The following SUGCT variants were observed in gnomAD, a reference collection of about 807,000 sequenced individuals.
The protein encoded by SUGCT is succinyl-CoA:glutarate CoA-transferase.
SUGCT carries 41 observed loss-of-function variants against 55.0 expected under a neutral mutation model. The ratio of observed to expected loss-of-function variants is 0.74; its 90% CI spans 0.58 to 0.97. SUGCT has a LOEUF of 0.97. Ranked by LOEUF, SUGCT falls within the 50% of genes least tolerant of loss-of-function variation. SUGCT has a pLI of 0.00. For synonymous variants in SUGCT, 187 were observed against 200.4 expected (o/e 0.93, Z 0.56); for missense variants, 568 against 547.8 (o/e 1.04, Z -0.37).
chr7:40,139,131 TA>T (rs1787846187), intron 1 of SUGCT, among the ~76,000 whole-genome samples: 1 of 3,844 alleles, frequency 2.6e-4, no homozygotes, highest in African/African-American at 4.4e-4. Context: ...GGCTCAAAAA[TA>T]AATAAATAAA....
At chr7:40,734,090 T>G (rs187961329) in intron 12 of SUGCT, among the ~76,000 whole-genome samples, 156 of 152,348 alleles carry the variant, frequency 1.0e-3, no homozygotes, top group African/African-American at 3.6e-3. Flanking sequence ...TTAATTTCAG[T>G]AGAGTTTACA....
intron 5 of SUGCT, among the ~76,000 whole-genome samples, chr7:40,192,454 A>G (rs935924822): frequency 1.7e-4 from 26 of 152,260 alleles, no homozygotes; most frequent in African/African-American, 5.3e-4. Flanking sequence ...TATTATGGGC[A>G]TGTGTTATGG....
intron 9 of SUGCT, among the ~76,000 whole-genome samples, chr7:40,395,549 T>G (rs1399536370): frequency 6.6e-6 from 1 of 150,536 alleles, no homozygotes; most frequent in Non-Finnish European, 1.5e-5. Flanking sequence ...TCACCTCTGC[T>G]GTACTGAGTC....
intron 8 of SUGCT, among the ~76,000 whole-genome samples, chr7:40,306,036 A>G (rs1794836784): frequency 6.6e-6 from 1 of 152,158 alleles, no homozygotes; most frequent in Non-Finnish European, 1.5e-5. Context: ...AGCTTAAGCT[A>G]TGGTCTGGTA....
At chr7:40,392,364 G>A (rs1189168707) in intron 9 of SUGCT, among the ~76,000 whole-genome samples, 3 of 152,140 alleles carry the variant, frequency 2.0e-5, no homozygotes, top group Non-Finnish European at 2.9e-5. Flanking sequence ...GGCTGTCATG[G>A]AGATAGAGAG....
chr7:40,195,501 G>A (rs190729063), intron 6 of SUGCT, among the ~76,000 whole-genome samples: 158 of 151,702 alleles, frequency 1.0e-3, no homozygotes, highest in African/African-American at 3.6e-3. Context: ...GATTACAGGC[G>A]TGAGCCACCA....
At chr7:40,178,096 C>T (rs915490758) in intron 1 of SUGCT, among the ~76,000 whole-genome samples, 4 of 152,176 alleles carry the variant, frequency 2.6e-5, no homozygotes, top group African/African-American at 9.7e-5. Flanking sequence ...CTAAGTGAGG[C>T]TCATATACTG....
chr7:40,791,627 A>T (rs1790315264), intron 13 of SUGCT, among the ~76,000 whole-genome samples: 1 of 152,206 alleles, frequency 6.6e-6, no homozygotes. Flanking sequence ...CATAGGTCCC[A>T]TGTAAACAAA....
At chr7:40,156,362 C>T (rs1038756451) in intron 1 of SUGCT, among the ~76,000 whole-genome samples, 1 of 152,078 alleles carries the variant, frequency 6.6e-6, no homozygotes, top group Non-Finnish European at 1.5e-5. Context: ...ACTCAGGAGG[C>T]TGAGGCAGGA....
chr7:40,159,186 C>G (rs889691472), intron 1 of SUGCT, among the ~76,000 whole-genome samples: 1 of 152,158 alleles, frequency 6.6e-6, no homozygotes, highest in Non-Finnish European at 1.5e-5. Context: ...TCCCAAAGTG[C>G]TGGGATTATA....
At chr7:40,574,201 C>A (rs1796600919) in intron 12 of SUGCT, among the ~76,000 whole-genome samples, 1 of 152,164 alleles carries the variant, frequency 6.6e-6, no homozygotes, top group Admixed American at 6.5e-5. Context: ...TCTCTCTACT[C>A]CAGCAAGCCT....
chr7:40,380,018 G>A (rs1488655319), intron 9 of SUGCT, among the ~76,000 whole-genome samples: 4 of 152,182 alleles, frequency 2.6e-5, no homozygotes, highest in Non-Finnish European at 2.9e-5. Context: ...ATTGGCAAAT[G>A]CCCACAAAGA....
chr7:40,822,501 C>T (rs1792076033), intron 13 of SUGCT, among the ~76,000 whole-genome samples: 1 of 152,098 alleles, frequency 6.6e-6, no homozygotes, highest in South Asian at 2.1e-4. Context: ...TTGAGTTGAT[C>T]CCTTTACCAT....
chr7:40,789,864 C>T (rs1317842525), intron 13 of SUGCT, among the ~76,000 whole-genome samples: 1 of 152,044 alleles, frequency 6.6e-6, no homozygotes, highest in Non-Finnish European at 1.5e-5. Flanking sequence ...GTGTGATTTC[C>T]ACAGTTAACA....
chr7:40,542,486 C>T (rs1222946698), intron 12 of SUGCT, among the ~76,000 whole-genome samples: 1 of 152,054 alleles, frequency 6.6e-6, no homozygotes, highest in Non-Finnish European at 1.5e-5. Context: ...GAAAACTCAG[C>T]CTTACACTAG....
chr7:40,225,752 T>A (rs1788304004), intron 6 of SUGCT, among the ~76,000 whole-genome samples: 2 of 152,124 alleles, frequency 1.3e-5, no homozygotes, highest in Admixed American at 6.6e-5. Flanking sequence ...GATGAATTGT[T>A]GATACTCATG....
chr7:40,227,043 C>CTTTTT (rs35073564), intron 6 of SUGCT, among the ~76,000 whole-genome samples: 23 of 96,244 alleles, frequency 2.4e-4, no homozygotes, highest in Non-Finnish European at 3.3e-4. Context: ...TTTAATAGAT[C>CTTTTT]TTTTTTTTTT....
intron 12 of SUGCT, among the ~76,000 whole-genome samples, chr7:40,629,518 G>A (rs1171250153): frequency 7.6e-6 from 1 of 131,610 alleles, no homozygotes; most frequent in African/African-American, 2.8e-5. Flanking sequence ...ATCCTATGTG[G>A]CAGGAATAGG....
rs374504438 is a variant in SUGCT, at chr7:40,440,034, T to C, written c.817-9253T>C. On this transcript the variant is annotated intron_variant, in intron 9 of 13. Transcript: ENST00000335693. ...CCTTCAGACTCCTCACTTAACTCCC[T>C]TTTTTTCCTACTCTGCAGTGTGAAC... Among the ~76,000 whole-genome samples the C allele has an allele frequency of 1.1e-4, 17 of 151,904 alleles. No individual in the cohort carries two copies. The South Asian group carries it at 1.5e-3, about 13-fold the overall frequency.
Sources: allele counts gnomAD v4.1 joint callset (sites outside exome capture counted in the v4.1 genomes callset), GRCh38; gene constraint gnomAD v4.1.1; transcripts MANE v1.5; gene names NCBI Gene and HGNC (gene_info 2026-07-23, HGNC 2026-07-21).